SEPTIN14: variants seen among roughly 807,000 people sequenced by gnomAD.
SEPTIN14 encodes the protein septin-14.
SEPTIN14 carries 40 observed loss-of-function variants against 53.6 expected under a neutral mutation model. The observed-to-expected ratio is 0.75, with a 90% confidence interval of 0.58 to 0.97. SEPTIN14 has a LOEUF of 0.97. Ranked by LOEUF, SEPTIN14 falls within the 50% of genes least tolerant of loss-of-function variation. SEPTIN14 has a pLI of 0.00. For missense variants in SEPTIN14, 471 were observed against 508.2 expected (o/e 0.93, Z 0.70); for synonymous variants, 138 against 166.8 (o/e 0.83, Z 1.33).
intron 7 of SEPTIN14, among the ~76,000 whole-genome samples, chr7:55,815,466 C>A (rs930609241): frequency 1.3e-5 from 2 of 151,996 alleles, no homozygotes; most frequent in African/African-American, 4.8e-5. Context: ...GGCAAAAGAT[C>A]CGAATAGACA....
intron 8 of SEPTIN14, among the ~76,000 whole-genome samples, chr7:55,806,283 GA>G (rs1788608377): frequency 6.6e-6 from 1 of 151,846 alleles, no homozygotes; most frequent in South Asian, 2.1e-4. Context: ...TTACAGGCGG[GA>G]GCCACTGCAC....
chr7:55,799,847 G>A (rs1788498267), intron 9 of SEPTIN14, among the ~76,000 whole-genome samples: 1 of 152,134 alleles, frequency 6.6e-6, no homozygotes, highest in Admixed American at 6.6e-5. Context: ...CAGAAAGTAA[G>A]TAGGGAAAGA....
At chr7:55,838,506 T>TTCCC (rs1252375745) in intron 5 of SEPTIN14, among the ~76,000 whole-genome samples, 2 of 142,526 alleles carry the variant, frequency 1.4e-5, no homozygotes, top group East Asian at 2.1e-4. Flanking sequence ...CTTTTCTTCC[T>TTCCC]TCCCTCCCTC....
chr7:55,806,277 A>C lies in SEPTIN14; in HGVS notation c.986+813T>G, dbSNP rs180781563. Among the ~76,000 whole-genome samples the C allele has an allele frequency of 1.3e-3, 193 of 152,152 alleles. 2 individuals are homozygous for C. Among genetic ancestry groups the C allele is most frequent in the Non-Finnish European group, 2.1e-3 (141 of 68,016 alleles). ...CGGTTTCCCAAAGTGCTGGGATTAC[A>C]GGCGGGAGCCACTGCACCCGGCTCT... On this transcript the variant is annotated intron_variant, in intron 8 of 9. Coordinates refer to ENST00000388975, the MANE Select transcript of SEPTIN14 (RefSeq NM_207366.3).
intron 6 of SEPTIN14, among the ~76,000 whole-genome samples, chr7:55,831,544 C>T (rs1472968318): frequency 1.3e-5 from 2 of 152,120 alleles, no homozygotes; most frequent in Non-Finnish European, 2.9e-5. Context: ...TTAGGAAAAA[C>T]TCTTCTAGAT....
Position 55,852,526 on chromosome 7 carries a change from T to C in SEPTIN14, c.55-5889A>G, listed in dbSNP as rs145609614. 2.8e-3 allele frequency among the ~76,000 whole-genome samples: 425 copies of C among 152,230 alleles called. 5 individuals carry two copies. The highest frequency in any genetic ancestry group is 0.01 in the Middle Eastern group (3 of 294). ...ACAGACTCCTATCTCTTATCATATA[T>C]AAAAATCAAATAAAAATGAATTAAA... On this transcript the variant is annotated intron_variant, in intron 2 of 9. Transcript: ENST00000388975.
chr7:55,803,311 C>T (rs776846935), intron 9 of SEPTIN14, among the ~76,000 whole-genome samples: 3 of 152,094 alleles, frequency 2.0e-5, no homozygotes, highest in African/African-American at 4.8e-5. Context: ...CCTCATTAAT[C>T]ATCAGAGAAA....
intron 6 of SEPTIN14, among the ~76,000 whole-genome samples, chr7:55,824,807 A>T (rs1451892806): frequency 2.7e-5 from 4 of 149,038 alleles, no homozygotes; most frequent in Admixed American, 6.7e-5. Context: ...CAAACAAACA[A>T]TTTTTTTTTT....
chr7:55,845,146 C>T (rs1338942410), intron 3 of SEPTIN14, among the ~76,000 whole-genome samples: 3 of 152,050 alleles, frequency 2.0e-5, no homozygotes, highest in Admixed American at 2.0e-4. Flanking sequence ...CATTTAGCTC[C>T]CACTTACAAG....
chr7:55,796,348 C>G (rs1788432119), intron 9 of SEPTIN14, among the ~76,000 whole-genome samples: 1 of 151,984 alleles, frequency 6.6e-6, no homozygotes, highest in Non-Finnish European at 1.5e-5. Context: ...ACTGCAACCT[C>G]CATCTCCTGG....
At chr7:55,842,683 C>T (rs567832091) in intron 5 of SEPTIN14, among the ~76,000 whole-genome samples, 2 of 151,768 alleles carry the variant, frequency 1.3e-5, no homozygotes, top group South Asian at 2.1e-4. Context: ...GAGGCCAAGG[C>T]GGGAGGATCA....
chr7:55,841,686 T>C (rs572562986), intron 5 of SEPTIN14, among the ~76,000 whole-genome samples: 1 of 152,006 alleles, frequency 6.6e-6, no homozygotes, highest in East Asian at 1.9e-4. Context: ...AGAAACCCCA[T>C]CTCCACTAAA....
At chr7:55,825,980 T>C (rs950486851) in intron 6 of SEPTIN14, among the ~76,000 whole-genome samples, 6 of 151,898 alleles carry the variant, frequency 4.0e-5, no homozygotes, top group African/African-American at 4.8e-5. Context: ...CAGGCGCCTG[T>C]AGTCCCAGCT....
chr7:55,852,587 A>G (rs796161434), intron 2 of SEPTIN14, among the ~76,000 whole-genome samples: 4 of 152,324 alleles, frequency 2.6e-5, no homozygotes, highest in African/African-American at 9.6e-5. Context: ...TGAACCTACT[A>G]AAAGAAAAGA....
At chr7:55,861,073 T>A (rs1789733864) in intron 2 of SEPTIN14, among the ~76,000 whole-genome samples, 1 of 152,366 alleles carries the variant, frequency 6.6e-6, no homozygotes, top group South Asian at 2.1e-4. Flanking sequence ...CCTAAAATTT[T>A]ATGTTTTAGA....
intron 6 of SEPTIN14, among the ~76,000 whole-genome samples, chr7:55,828,299 CTTT>C (rs35052627): frequency 7.7e-6 from 1 of 129,868 alleles, no homozygotes; most frequent in Non-Finnish European, 1.6e-5. Flanking sequence ...CAGATGAAAG[CTTT>C]TTTTTTTTTT....
rs186680436 is a variant in SEPTIN14 at position 55,853,092 on chromosome 7, A to G, written c.55-6455T>C. Reference sequence around the variant, plus strand: ...GAGAACCCTCTTACACTGTTGGTGCAAATGTGAATTAGTATGGAGAACGTA... The same window carrying G: ...GAGAACCCTCTTACACTGTTGGTGCGAATGTGAATTAGTATGGAGAACGTA... On this transcript the variant is annotated intron_variant, in intron 2 of 9. Coordinates refer to ENST00000388975, the MANE Select transcript of SEPTIN14 (RefSeq NM_207366.3). Among the ~76,000 whole-genome samples the G allele has an allele frequency of 2.8e-3, 427 of 152,334 alleles. 5 individuals carry two copies. The highest frequency in any genetic ancestry group is 0.01 in the Middle Eastern group (3 of 294).
intron 7 of SEPTIN14, among the ~76,000 whole-genome samples, chr7:55,818,531 C>T (rs922640204): frequency 4.0e-5 from 6 of 151,138 alleles, no homozygotes; most frequent in African/African-American, 1.2e-4. Flanking sequence ...ATCTTCCATT[C>T]CCCAATAATT....
intron 2 of SEPTIN14, among the ~76,000 whole-genome samples, chr7:55,857,961 C>T (rs1415062961): frequency 6.6e-6 from 1 of 152,140 alleles, no homozygotes; most frequent in South Asian, 2.1e-4. Flanking sequence ...CTCAACTAGA[C>T]ATTCAGTGAA....
Sources: allele counts gnomAD v4.1 joint callset (sites outside exome capture counted in the v4.1 genomes callset), GRCh38; gene constraint gnomAD v4.1.1; transcripts MANE v1.5; gene names NCBI Gene and HGNC (gene_info 2026-07-23, HGNC 2026-07-21).